Variants in NWD2 observed in about 807,000 individuals in gnomAD.
NWD2 encodes the protein NACHT and WD repeat domain-containing protein 2.
NWD2 carries 37 observed loss-of-function variants against 132.7 expected under a neutral mutation model. That is an observed-to-expected ratio of 0.28 (90% CI 0.21 to 0.37). NWD2 has a LOEUF of 0.37. Ranked by LOEUF, NWD2 falls within the 10% of genes least tolerant of loss-of-function variation. The pLI is 1.00. For missense variants in NWD2, 1,592 were observed against 2,122.4 expected (o/e 0.75, Z 4.91); for synonymous variants, 705 against 803.0 (o/e 0.88, Z 2.06).
intron 1 of NWD2, among the ~76,000 whole-genome samples, chr4:37,253,605 C>A (rs764638114): frequency 6.6e-5 from 10 of 152,102 alleles, no homozygotes; most frequent in Non-Finnish European, 1.2e-4. Flanking sequence ...ATAAAGAAGA[C>A]AATGAGGTAC....
At chr4:37,343,394 G>T (rs769572976) in intron 2 of NWD2, among the ~76,000 whole-genome samples, 19 of 152,104 alleles carry the variant, frequency 1.2e-4, no homozygotes, top group Middle Eastern at 3.2e-3. Flanking sequence ...TTATTAATAA[G>T]AAAAGATTTT....
At chr4:37,322,142 T>C (rs959304232) in intron 1 of NWD2, among the ~76,000 whole-genome samples, 2 of 152,196 alleles carry the variant, frequency 1.3e-5, no homozygotes, top group East Asian at 3.9e-4. Flanking sequence ...CTTTTTTCAT[T>C]CACTCATTTA....
intron 3 of NWD2, among the ~76,000 whole-genome samples, chr4:37,426,221 A>G (rs1431338430): frequency 6.6e-6 from 1 of 152,248 alleles, no homozygotes; most frequent in Non-Finnish European, 1.5e-5. Flanking sequence ...AAATAGCAAG[A>G]TAAGACTGAG....
intron 3 of NWD2, among the ~76,000 whole-genome samples, chr4:37,381,605 A>T (rs1419140920): frequency 1.3e-5 from 2 of 152,218 alleles, no homozygotes; most frequent in Admixed American, 1.3e-4. Context: ...AGCTCCAAAC[A>T]GGACAGAAAT....
chr4:37,400,664 CT>C (rs1314989771), intron 3 of NWD2, among the ~76,000 whole-genome samples: 2 of 152,164 alleles, frequency 1.3e-5, no homozygotes, highest in African/African-American at 4.8e-5. Flanking sequence ...GAGTATTTTG[CT>C]TTTACTGTGA....
chr4:37,399,347 A>C (rs548331524), intron 3 of NWD2, among the ~76,000 whole-genome samples: 1 of 152,360 alleles, frequency 6.6e-6, no homozygotes, highest in East Asian at 1.9e-4. Context: ...GCCTGGATTC[A>C]GCTTAACCCC....
intron 3 of NWD2, among the ~76,000 whole-genome samples, chr4:37,420,646 G>A (rs1442703417): frequency 6.6e-6 from 1 of 152,144 alleles, no homozygotes; most frequent in East Asian, 1.9e-4. Context: ...TCGCACCACT[G>A]CCAGTCCAGT....
chr4:37,370,426 C>T (rs145587198), intron 3 of NWD2, among the ~76,000 whole-genome samples: 11 of 152,256 alleles, frequency 7.2e-5, no homozygotes, highest in East Asian at 1.9e-4. Context: ...ATGGATTGAC[C>T]GCTGTACATT....
chr4:37,363,588 G>A (rs1720025237), intron 3 of NWD2, among the ~76,000 whole-genome samples: 1 of 152,060 alleles, frequency 6.6e-6, no homozygotes, highest in Non-Finnish European at 1.5e-5. Context: ...CAAAAATTGG[G>A]TACTCATGGA....
chr4:37,375,114 G>A (rs1161734918), intron 3 of NWD2, among the ~76,000 whole-genome samples: 1 of 152,150 alleles, frequency 6.6e-6, no homozygotes, highest in Non-Finnish European at 1.5e-5. Flanking sequence ...TATTCCCATG[G>A]CCAAATAAAT....
chr4:37,385,149 T>A (rs1426841411), intron 3 of NWD2, among the ~76,000 whole-genome samples: 1 of 152,084 alleles, frequency 6.6e-6, no homozygotes, highest in Non-Finnish European at 1.5e-5. Context: ...ACATGACCGA[T>A]CCCAGCTGAC....
chr4:37,292,686 G>A (rs1333588155), intron 1 of NWD2, among the ~76,000 whole-genome samples: 2 of 152,086 alleles, frequency 1.3e-5, no homozygotes, highest in Non-Finnish European at 2.9e-5. Context: ...GTCCCCACTG[G>A]TTTCATGGAC....
At chr4:37,346,875 A>G (rs2109297021) in intron 2 of NWD2, among the ~76,000 whole-genome samples, 1 of 152,126 alleles carries the variant, frequency 6.6e-6, no homozygotes, top group Non-Finnish European at 1.5e-5. Flanking sequence ...TTTCATTGCT[A>G]GTGTATAGAA....
chr4:37,377,898 A>T (rs1293004771), intron 3 of NWD2, among the ~76,000 whole-genome samples: 2 of 152,196 alleles, frequency 1.3e-5, no homozygotes, highest in African/African-American at 4.8e-5. Flanking sequence ...CATTTTTTAA[A>T]TGTTTCACCA....
In NWD2 at chr4:37,245,145, C is replaced by A. The variant is rs1253988020; in HGVS notation, c.78C>A (p.Asn26Lys). ...TCCGGCGGGCGGCTTTCTCTGGGAA[C>A]CTCACGGCCCTGCCCTCTCACCTCG... ...SALRRAAFSG[N>K]LTALPSHLVP... Residue 26 changes from asparagine to lysine, a missense_variant, in exon 1 of 7, where the codon AAC becomes AAA. Physicochemically the swap from Asn to Lys is moderately conservative, Grantham distance 94 (BLOSUM62 0). Coordinates refer to ENST00000309447, the MANE Select transcript of NWD2 (RefSeq NM_001144990.2). The A allele has an allele frequency of 6.5e-7, 1 of 1,547,664 alleles. No individual in the cohort carries two copies. The highest frequency in any genetic ancestry group is 1.4e-5 in the African/African-American group (1 of 72,956).
intron 3 of NWD2, among the ~76,000 whole-genome samples, chr4:37,373,655 C>T (rs11096872): frequency 6.6e-6 from 1 of 151,994 alleles, no homozygotes; most frequent in African/African-American, 2.4e-5. Context: ...ATTCAATCTA[C>T]TAAATATCTA....
At chr4:37,438,410 C>A (rs2109328985) in intron 5 of NWD2, among the ~76,000 whole-genome samples, 1 of 152,278 alleles carries the variant, frequency 6.6e-6, no homozygotes, top group African/African-American at 2.4e-5. Flanking sequence ...ATCCTTCAGC[C>A]TCCTCCTCTT....
In NWD2 at chr4:37,434,034, A is replaced by G; in HGVS notation, c.706+14A>G. The G allele has an allele frequency of 6.6e-7, 1 of 1,523,526 alleles. No homozygotes were observed. The highest frequency in any genetic ancestry group is 8.8e-7 in the Non-Finnish European group (1 of 1,129,960). 94.4% of individuals were successfully genotyped at this position (1,523,526 alleles called of 1,614,324 possible). A position where few individuals can be genotyped will look rare whatever the true frequency, so the allele number is the denominator to read the frequency against. On this transcript the variant is annotated intron_variant, in intron 5 of 6. Transcript: ENST00000309447. ...ACCTGTTCTCAGGTAATTTTCCCATACCTTCAGTAAAATAAGAAATATATC... is the reference window on the plus strand; with the variant it reads ...ACCTGTTCTCAGGTAATTTTCCCATGCCTTCAGTAAAATAAGAAATATATC...
chr4:37,330,050 G>A (rs1719259735), intron 2 of NWD2, among the ~76,000 whole-genome samples: 2 of 152,104 alleles, frequency 1.3e-5, no homozygotes, highest in Non-Finnish European at 2.9e-5. Flanking sequence ...GAATAGAATA[G>A]AAATTAATAG....
Sources: gnomAD v4.1 joint callset for allele counts (sites outside exome capture counted in the v4.1 genomes callset) on GRCh38, gnomAD v4.1.1 for gene constraint, MANE v1.5 for transcripts, NCBI Gene and HGNC (gene_info 2026-07-23, HGNC 2026-07-21) for gene names.